DCAKD: variants seen among roughly 807,000 people sequenced by gnomAD.
The protein encoded by DCAKD is dephospho-CoA kinase domain-containing protein.
A neutral mutation model predicts 18.7 loss-of-function variants in DCAKD; 15 were observed. The observed-to-expected ratio is 0.80, with a 90% CI of 0.54 to 1.24. The LOEUF (loss-of-function observed/expected upper bound fraction) is 1.24, where lower values mean the gene tolerates loss of function less well. DCAKD is among the 50% of genes most tolerant of loss of function. The pLI is 0.00. For missense variants in DCAKD, 301 were observed against 322.0 expected (o/e 0.93, Z 0.50); for synonymous variants, 130 against 133.0 (o/e 0.98, Z 0.16).
intron 4 of DCAKD, among the ~76,000 whole-genome samples, chr17:45,025,182 A>T (rs1260641848): frequency 6.6e-6 from 1 of 152,000 alleles, no homozygotes; most frequent in Non-Finnish European, 1.5e-5. Flanking sequence ...CGCTTCCTGC[A>T]GTTCCCCTGG....
chr17:45,034,141 G>A, intron 3 of DCAKD, 46 bp downstream of exon 3: 5 of 1,612,472 alleles, frequency 3.1e-6, no homozygotes, highest in Non-Finnish European at 4.2e-6. Flanking sequence ...AAGGGCCCTG[G>A]CCCTGGAAGG....
At chr17:45,028,276 T>A (rs1366561162) in intron 4 of DCAKD, among the ~76,000 whole-genome samples, 9 of 150,512 alleles carry the variant, frequency 6.0e-5, no homozygotes, top group African/African-American at 9.8e-5. Context: ...GCCCAGCTAA[T>A]TTTTTTTGTA....
chr17:45,028,126 T>G (rs913845006), intron 4 of DCAKD, among the ~76,000 whole-genome samples: 2 of 151,042 alleles, frequency 1.3e-5, no homozygotes, highest in South Asian at 4.2e-4. Context: ...TTTTTTTTTT[T>G]GAGATGGAGT....
intron 3 of DCAKD, among the ~76,000 whole-genome samples, chr17:45,032,758 G>T (rs1022490768): frequency 8.7e-5 from 5 of 57,688 alleles, no homozygotes; most frequent in Non-Finnish European, 1.7e-4. Flanking sequence ...ACTCCAGCCT[G>T]GTGACAGAGC....
intron 1 of DCAKD, among the ~76,000 whole-genome samples, chr17:45,040,245 G>T (rs2053401891): frequency 6.6e-6 from 1 of 151,986 alleles, no homozygotes; most frequent in Non-Finnish European, 1.5e-5. Flanking sequence ...AAATTAGCCA[G>T]GCATGGTGGC....
chr17:45,024,821 G>A, intron 4 of DCAKD, 97 bp from the exon 5 acceptor site: 4 of 1,407,718 alleles, frequency 2.8e-6, no homozygotes, highest in South Asian at 2.8e-5. Context: ...GAAACAGAGA[G>A]CATGGGGACT....
rs1405002338 is a variant in DCAKD, at chr17:45,044,723, AT to A, written c.-115+6637del. On this transcript the variant is annotated intron_variant, in intron 1 of 4. Transcript: ENST00000651974. ...AATAAATAAATAAATAAATAAATAAATAAATAAATAAATAAAAGCTGTGGCA... is the reference window on the plus strand; with the variant it reads ...AATAAATAAATAAATAAATAAATAAAAAATAAATAAATAAAAGCTGTGGCA... Among the ~76,000 whole-genome samples, 19 of 127,316 alleles carry A rather than the reference AT, an allele frequency of 1.5e-4. No homozygotes were observed. In the East Asian group the frequency reaches 4.6e-3, roughly 31 times the overall value. 83.5% of individuals were successfully genotyped at this position (127,316 alleles called of 152,430 possible). A position where few individuals can be genotyped will look rare whatever the true frequency, so the allele number is the denominator to read the frequency against.
At chr17:45,053,888 A>G (rs2053753127), upstream of DCAKD, among the ~76,000 whole-genome samples, 1 of 152,046 alleles carries the variant, frequency 6.6e-6, no homozygotes, top group Non-Finnish European at 1.5e-5. Flanking sequence ...ATTAACACCT[A>G]CCCTGTCTCC....
At chr17:45,057,622 G>T (rs1030234990) in intron 1 of DCAKD, among the ~76,000 whole-genome samples, 3 of 148,648 alleles carry the variant, frequency 2.0e-5, no homozygotes, top group Non-Finnish European at 4.5e-5. Context: ...AGAACTGCTG[G>T]AATCCAGGAG....
upstream of DCAKD, chr17:45,054,126 G>C: frequency 1.9e-6 from 1 of 518,956 alleles, no homozygotes; most frequent in South Asian, 1.4e-5. Context: ...ATTCCATCTT[G>C]TGTCCAAAAG....
intron 1 of DCAKD, among the ~76,000 whole-genome samples, chr17:45,043,576 G>A (rs2053489923): frequency 6.6e-6 from 1 of 152,298 alleles, no homozygotes; most frequent in South Asian, 2.1e-4. Context: ...CGGAGGCAAA[G>A]AGCCAGAAAA....
upstream of DCAKD, among the ~76,000 whole-genome samples, chr17:45,053,865 C>A (rs9891457): frequency 3.3e-5 from 5 of 152,068 alleles, no homozygotes; most frequent in Admixed American, 1.3e-4. Flanking sequence ...GCCTCACCAG[C>A]AGGAAGTTTT....
At chr17:45,047,694 G>C (rs7215818) in intron 1 of DCAKD, among the ~76,000 whole-genome samples, 2 of 151,908 alleles carry the variant, frequency 1.3e-5, no homozygotes. Context: ...TAGTACAGAC[G>C]GGGTTTCGGC....
At chr17:45,057,218 A>AT (rs1367970858) in intron 1 of DCAKD, among the ~76,000 whole-genome samples, 7 of 151,086 alleles carry the variant, frequency 4.6e-5, no homozygotes, top group South Asian at 2.1e-4. Flanking sequence ...TAATTTTTGT[A>AT]TTTTTTTTAG....
intron 1 of DCAKD, among the ~76,000 whole-genome samples, chr17:45,042,684 C>A (rs1458175044): frequency 6.6e-6 from 1 of 152,230 alleles, no homozygotes; most frequent in Non-Finnish European, 1.5e-5. Flanking sequence ...CTATTAAGTG[C>A]TATTTTTGTA....
At chr17:45,026,099 AG>A (rs1418407674) in intron 4 of DCAKD, among the ~76,000 whole-genome samples, 1 of 151,450 alleles carries the variant, frequency 6.6e-6, no homozygotes, top group African/African-American at 2.4e-5. Flanking sequence ...TTGTATTTTT[AG>A]TAGAGACGGG....
chr17:45,059,486 C>A (rs1437874966), intron 1 of DCAKD, among the ~76,000 whole-genome samples: 1 of 152,134 alleles, frequency 6.6e-6, no homozygotes, highest in Non-Finnish European at 1.5e-5. Flanking sequence ...GAATGGGAAC[C>A]ATGTCTTTGG....
chr17:45,034,108 T>C, intron 3 of DCAKD, 79 bp downstream of exon 3: 3 of 1,606,324 alleles, frequency 1.9e-6, no homozygotes, highest in Non-Finnish European at 2.5e-6. Context: ...TCCCCTACCC[T>C]GGCCAAACTT....
At chr17:45,049,866 C>A (rs1482981244) in intron 1 of DCAKD, among the ~76,000 whole-genome samples, 1 of 149,896 alleles carries the variant, frequency 6.7e-6, no homozygotes, top group African/African-American at 2.5e-5. Context: ...ATTGCAGGCA[C>A]CCGCCACCAC....
Sources: allele counts gnomAD v4.1 joint callset (sites outside exome capture counted in the v4.1 genomes callset), GRCh38; gene constraint gnomAD v4.1.1; transcripts MANE v1.5; gene names NCBI Gene and HGNC (gene_info 2026-07-23, HGNC 2026-07-21).